Variants in CXCL13 observed in about 807,000 individuals in gnomAD.
CXCL13 encodes C-X-C motif chemokine ligand 13, also known as C-X-C motif chemokine 13.
In CXCL13, 7 loss-of-function variants were observed where a neutral mutation model predicts 12.2. The ratio of observed to expected loss-of-function variants is 0.57; its 90% confidence interval spans 0.33 to 1.07. CXCL13 has a LOEUF of 1.07. Ranked by LOEUF, CXCL13 falls within the 50% of genes least tolerant of loss-of-function variation. The probability of loss-of-function intolerance (pLI) is 0.04; values close to 1 mark genes in which losing one functional copy is unlikely to be tolerated. For synonymous variants in CXCL13, 47 were observed against 42.4 expected (o/e 1.11, Z -0.42); for missense variants, 113 against 127.4 (o/e 0.89, Z 0.55).
chr4:77,533,813 G>T (rs1240690928), intron 1 of CXCL13, among the ~76,000 whole-genome samples: 1 of 152,196 alleles, frequency 6.6e-6, no homozygotes, highest in East Asian at 1.9e-4. Flanking sequence ...AAGGGCCCAT[G>T]GGCATAGGAC....
intron 1 of CXCL13, among the ~76,000 whole-genome samples, chr4:77,513,571 C>T (rs1479503317): frequency 6.6e-6 from 1 of 152,104 alleles, no homozygotes; most frequent in Non-Finnish European, 1.5e-5. Flanking sequence ...CCTGCCTCAG[C>T]CTCCTGAGTA....
At chr4:77,571,399 T>C (rs1726076090) in intron 1 of CXCL13, among the ~76,000 whole-genome samples, 1 of 150,532 alleles carries the variant, frequency 6.6e-6, no homozygotes, top group South Asian at 2.1e-4. Context: ...CCTTTATGTC[T>C]AGCTCAGGGA....
chr4:77,534,398 T>C (rs528220910), intron 1 of CXCL13, among the ~76,000 whole-genome samples: 2 of 152,208 alleles, frequency 1.3e-5, no homozygotes, highest in Non-Finnish European at 2.9e-5. Context: ...CATGAAATAC[T>C]ACCCAGAAAT....
At chr4:77,610,326 T>C (rs1426132518) in intron 2 of CXCL13, among the ~76,000 whole-genome samples, 13 of 152,224 alleles carry the variant, frequency 8.5e-5, no homozygotes, top group Admixed American at 8.5e-4. Context: ...TATTTGGTTG[T>C]TCTCCAATGC....
chr4:77,589,506 G>A lies in CXCL13; in HGVS notation c.-42-16318G>A, dbSNP rs117794812. 1.6e-4 allele frequency among the ~76,000 whole-genome samples: 25 copies of A among 151,528 alleles called. No homozygotes were observed. In the East Asian group the frequency reaches 3.3e-3, roughly 20 times the overall value. On this transcript the variant is annotated intron_variant, in intron 1 of 4. Coordinates refer to the CXCL13 transcript ENST00000286758. ...GTTTTGTTACTATTAATCTCTTACC[G>A]TGCCTAATTTATACATTAAACTTTA... is the stretch of plus-strand genomic sequence containing the variant.
At chr4:77,552,036 A>G (rs1725537420) in intron 1 of CXCL13, among the ~76,000 whole-genome samples, 1 of 151,978 alleles carries the variant, frequency 6.6e-6, no homozygotes, top group South Asian at 2.1e-4. Flanking sequence ...CTTGTATCTC[A>G]TTGAACTTCC....
At chr4:77,552,078 C>A (rs1387825324) in intron 1 of CXCL13, among the ~76,000 whole-genome samples, 1 of 152,086 alleles carries the variant, frequency 6.6e-6, no homozygotes, top group Non-Finnish European at 1.5e-5. Context: ...ATTTATCTGT[C>A]ATTTCTGAGT....
At chr4:77,528,127 G>T (rs1199873019) in intron 1 of CXCL13, among the ~76,000 whole-genome samples, 1 of 152,190 alleles carries the variant, frequency 6.6e-6, no homozygotes, top group African/African-American at 2.4e-5. Context: ...TTTCATGGCT[G>T]CATAGTATTC....
At chr4:77,566,565 T>A (rs570801668) in intron 1 of CXCL13, among the ~76,000 whole-genome samples, 20 of 148,986 alleles carry the variant, frequency 1.3e-4, no homozygotes, top group South Asian at 8.5e-4. Context: ...GTTTTAAATT[T>A]AAAAAAAAAA....
chr4:77,538,617 G>A (rs192300949), intron 1 of CXCL13, among the ~76,000 whole-genome samples: 1 of 152,212 alleles, frequency 6.6e-6, no homozygotes, highest in African/African-American at 2.4e-5. Flanking sequence ...GTAATAGTCA[G>A]GTTCACTCTG....
At chr4:77,586,702 C>T (rs1334568568) in intron 1 of CXCL13, among the ~76,000 whole-genome samples, 2 of 152,076 alleles carry the variant, frequency 1.3e-5, no homozygotes, top group Non-Finnish European at 2.9e-5. Flanking sequence ...TTCCTGGCTT[C>T]AGTGGAATAA....
intron 1 of CXCL13, among the ~76,000 whole-genome samples, chr4:77,558,074 A>T (rs146860430): frequency 5.9e-5 from 9 of 152,324 alleles, no homozygotes; most frequent in Admixed American, 2.6e-4. Context: ...TTTTCAAACA[A>T]CATGCTCTGA....
upstream of CXCL13, among the ~76,000 whole-genome samples, chr4:77,605,218 G>A (rs1231307924): frequency 6.6e-6 from 1 of 152,032 alleles, no homozygotes; most frequent in Non-Finnish European, 1.5e-5. Flanking sequence ...GACTCCTACT[G>A]CCCCCTTCTA....
intron 1 of CXCL13, among the ~76,000 whole-genome samples, chr4:77,588,536 CA>C (rs768062280): frequency 1.3e-5 from 2 of 152,226 alleles, no homozygotes; most frequent in African/African-American, 2.4e-5. Context: ...GAGAGCACAG[CA>C]GAAGAATTAT....
chr4:77,591,184 A>G (rs1322284277), intron 1 of CXCL13, among the ~76,000 whole-genome samples: 4 of 152,176 alleles, frequency 2.6e-5, no homozygotes, highest in African/African-American at 9.7e-5. Flanking sequence ...CATTATTGTT[A>G]TACTATTATT....
At chr4:77,539,003 G>A (rs1725137556) in intron 1 of CXCL13, among the ~76,000 whole-genome samples, 1 of 151,950 alleles carries the variant, frequency 6.6e-6, no homozygotes, top group Non-Finnish European at 1.5e-5. Context: ...AAGTGTACTT[G>A]GAAGAGGGCC....
chr4:77,532,384 T>A (rs1724949800), intron 1 of CXCL13, among the ~76,000 whole-genome samples: 2 of 152,230 alleles, frequency 1.3e-5, no homozygotes, highest in Admixed American at 1.3e-4. Context: ...CCCACTCTCT[T>A]CTGGCTTATA....
intron 1 of CXCL13, among the ~76,000 whole-genome samples, chr4:77,533,607 G>A (rs1262756662): frequency 6.6e-6 from 1 of 152,202 alleles, no homozygotes; most frequent in Non-Finnish European, 1.5e-5. Flanking sequence ...GCTGCCTTTT[G>A]TTTGGCTGTG....
chr4:77,573,370 G>T (rs918167093), intron 1 of CXCL13, among the ~76,000 whole-genome samples: 2 of 111,772 alleles, frequency 1.8e-5, no homozygotes, highest in African/African-American at 1.1e-4. Flanking sequence ...TTTTGTGTGT[G>T]TGTGTGTGTG....
Sources: allele counts gnomAD v4.1 joint callset (sites outside exome capture counted in the v4.1 genomes callset), GRCh38; gene constraint gnomAD v4.1.1; transcripts MANE v1.5; gene names NCBI Gene and HGNC (gene_info 2026-07-23, HGNC 2026-07-21).